RGS8: variants seen among roughly 807,000 people sequenced by gnomAD.
The protein encoded by RGS8 is regulator of G protein signaling 8.
A neutral mutation model predicts 21.7 loss-of-function variants in RGS8; 8 were observed. The ratio of observed to expected loss-of-function variants is 0.37; its 90% CI spans 0.22 to 0.66. The LOEUF is 0.66. RGS8 is among the 30% of genes least tolerant of loss of function. The probability of loss-of-function intolerance (pLI) is 0.59; values close to 1 mark genes in which losing one functional copy is unlikely to be tolerated. For missense variants in RGS8, 157 were observed against 217.9 expected (o/e 0.72, Z 1.76); for synonymous variants, 80 against 83.6 (o/e 0.96, Z 0.24).
At chr1:182,713,802 T>C in the RGS8 span, among the ~76,000 whole-genome samples, 1 of 152,250 alleles carries the variant, frequency 6.6e-6, no homozygotes, top group Non-Finnish European at 1.5e-5. Flanking sequence ...GACCCCATCA[T>C]TGCCTGTTTG....
intron 5 of RGS8, among the ~76,000 whole-genome samples, chr1:182,661,177 A>C (rs1394021334): frequency 6.6e-6 from 1 of 151,776 alleles, no homozygotes; most frequent in Non-Finnish European, 1.5e-5. Flanking sequence ...AAAGGGGCTA[A>C]TTTTTAAAAA....
intron 5 of RGS8, among the ~76,000 whole-genome samples, chr1:182,662,865 C>T (rs757913556): frequency 3.6e-4 from 55 of 152,208 alleles, no homozygotes; most frequent in Non-Finnish European, 6.5e-4. Flanking sequence ...ACACCATGAG[C>T]ACTTGGTACA....
chr1:182,740,562 T>G, the RGS8 span, among the ~76,000 whole-genome samples: 1,286 of 143,946 alleles, frequency 8.9e-3, 10 homozygotes, highest in Non-Finnish European at 0.014. Flanking sequence ...TTTTTTTTTT[T>G]TTTTTTTTTT....
chr1:182,646,921 G>C lies in RGS8; in HGVS notation c.361-4C>G. 1.2e-6 allele frequency: 2 copies of C among 1,612,230 alleles called. No homozygotes were observed. Among genetic ancestry groups the C allele is most frequent in the Non-Finnish European group, 1.7e-6 (2 of 1,179,558 alleles). On this transcript the variant is annotated splice_polypyrimidine_tract_variant and splice_region_variant and intron_variant, in intron 6 of 6. Transcript: ENST00000483095. ...GGGTCTGGAAGTCAATGTTTACCTA[G>C]AGATACAAACAGAGAGCAAGGTCAC...
chr1:182,751,729 C>A, the RGS8 span, among the ~76,000 whole-genome samples: 4 of 152,086 alleles, frequency 2.6e-5, no homozygotes, highest in Admixed American at 1.3e-4. Flanking sequence ...TTCTCACATT[C>A]AAAAAGATAT....
chr1:182,747,848 G>GAAA, the RGS8 span, among the ~76,000 whole-genome samples: 143 of 139,280 alleles, frequency 1.0e-3, 1 homozygote, highest in East Asian at 3.1e-3. Flanking sequence ...CTAAAAATAC[G>GAAA]AAAAAAAAAA....
chr1:182,660,189 A>G (rs1276015873), intron 5 of RGS8, among the ~76,000 whole-genome samples: 6 of 152,192 alleles, frequency 3.9e-5, no homozygotes, highest in African/African-American at 1.4e-4. Context: ...GATCACACTG[A>G]ACTCTCACAA....
At chr1:182,684,730 C>T (rs533305582), upstream of RGS8, among the ~76,000 whole-genome samples, 30 of 152,236 alleles carry the variant, frequency 2.0e-4, 1 homozygote, top group African/African-American at 7.2e-4. The surrounding 1 kb of genome is among the most constrained non-coding windows in gnomAD (Gnocchi z 4.2). Flanking sequence ...GCTCCCAGCT[C>T]GCTCACAGAC....
chr1:182,741,730 A>T, the RGS8 span, among the ~76,000 whole-genome samples: 2 of 56,980 alleles, frequency 3.5e-5, no homozygotes, highest in African/African-American at 5.0e-5. Context: ...CCTCCCGGAC[A>T]GGGCGGCTGG....
At chr1:182,708,926 G>A in the RGS8 span, among the ~76,000 whole-genome samples, 1 of 152,208 alleles carries the variant, frequency 6.6e-6, no homozygotes, top group African/African-American at 2.4e-5. Context: ...CGGAAGCTTG[G>A]GGCAGGGAAA....
chr1:182,732,272 TACACACACACAC>T, the RGS8 span, among the ~76,000 whole-genome samples: 2 of 132,484 alleles, frequency 1.5e-5, no homozygotes, highest in African/African-American at 5.3e-5. Context: ...CTCTCTCTCA[TACACACACACAC>T]ACACACACAC....
chr1:182,696,267 A>T, the RGS8 span, among the ~76,000 whole-genome samples: 1 of 152,150 alleles, frequency 6.6e-6, no homozygotes, highest in Non-Finnish European at 1.5e-5. Context: ...TTTGTTTCTG[A>T]ACTGCTATTG....
chr1:182,671,523 G>A (rs1664154682), intron 2 of RGS8, 134 bp downstream of exon 3: 8 of 721,276 alleles, frequency 1.1e-5, no homozygotes, highest in Admixed American at 2.7e-5. Context: ...ACAAAGAGGG[G>A]GAGAGAAACT....
At chr1:182,670,243 CAA>C (rs1427840816) in intron 2 of RGS8, among the ~76,000 whole-genome samples, 2 of 152,182 alleles carry the variant, frequency 1.3e-5, no homozygotes, top group African/African-American at 4.8e-5. Context: ...GGAGGAACTC[CAA>C]GAGAGGCTTG....
chr1:182,664,508 T>C (rs1043899288), intron 5 of RGS8, among the ~76,000 whole-genome samples: 2 of 152,224 alleles, frequency 1.3e-5, no homozygotes, highest in Non-Finnish European at 2.9e-5. Flanking sequence ...AAGATGACCT[T>C]GAATGAAATC....
At chr1:182,645,457 C>G (rs115005218), downstream of RGS8, 3 of 152,328 alleles carry the variant, frequency 2.0e-5, no homozygotes, top group Non-Finnish European at 4.4e-5. Flanking sequence ...TTCCAGGCTG[C>G]TCACTCATCC....
intron 5 of RGS8, chr1:182,658,690 A>T (rs1663403891): frequency 6.6e-6 from 1 of 152,224 alleles, no homozygotes; most frequent in African/African-American, 2.4e-5. Context: ...GTTTTTAAAC[A>T]AATAACTGGA....
chr1:182,698,652 A>C, the RGS8 span, among the ~76,000 whole-genome samples: 1 of 152,094 alleles, frequency 6.6e-6, no homozygotes, highest in Admixed American at 6.6e-5. Context: ...CCTTTCCCCA[A>C]GATGTTTGCT....
chr1:182,665,437 TA>T (rs1663808543), intron 5 of RGS8, among the ~76,000 whole-genome samples: 1 of 152,160 alleles, frequency 6.6e-6, no homozygotes, highest in Non-Finnish European at 1.5e-5. Flanking sequence ...TGTATTCCAG[TA>T]AAATGTATAC....
Sources: allele counts gnomAD v4.1 joint callset (sites outside exome capture counted in the v4.1 genomes callset), GRCh38; gene constraint gnomAD v4.1.1; non-coding constraint Gnocchi (gnomAD v3.1); transcripts MANE v1.5; gene names NCBI Gene and HGNC (gene_info 2026-07-23, HGNC 2026-07-21).